DNAJC3: variants seen among roughly 807,000 people sequenced by gnomAD.
The protein encoded by DNAJC3 is dnaJ homolog subfamily C member 3.
DNAJC3 carries 38 observed loss-of-function variants against 68.6 expected under a neutral mutation model. That is an observed-to-expected ratio of 0.55 (90% CI 0.43 to 0.73). The LOEUF is 0.73. Ranked by LOEUF, DNAJC3 falls within the 30% of genes least tolerant of loss-of-function variation. DNAJC3 has a pLI of 0.00. For missense variants in DNAJC3, 526 were observed against 591.9 expected (o/e 0.89, Z 1.16); for synonymous variants, 203 against 204.0 (o/e 1.00, Z 0.04).
chr13:95,733,703 CTTTTTT>C (rs146677839), intron 4 of DNAJC3, among the ~76,000 whole-genome samples: 2 of 102,966 alleles, frequency 1.9e-5, no homozygotes, highest in Non-Finnish European at 1.9e-5. Context: ...CCTGGCCTGT[CTTTTTT>C]TTTTTTTTTT....
intron 9 of DNAJC3, among the ~76,000 whole-genome samples, chr13:95,768,696 C>T (rs1332287495): frequency 6.6e-6 from 1 of 152,126 alleles, no homozygotes; most frequent in African/African-American, 2.4e-5. Context: ...TTATACCGGC[C>T]AGGCACGGTG....
At chr13:95,701,601 C>T (rs971414162) in intron 1 of DNAJC3, among the ~76,000 whole-genome samples, 6 of 152,092 alleles carry the variant, frequency 3.9e-5, no homozygotes, top group African/African-American at 1.4e-4. Flanking sequence ...GAGATTTACT[C>T]GGTTCTCTTG....
At chr13:95,681,377 G>A (rs578078787) in intron 1 of DNAJC3, among the ~76,000 whole-genome samples, 1 of 152,206 alleles carries the variant, frequency 6.6e-6, no homozygotes, top group African/African-American at 2.4e-5. Flanking sequence ...TCGAGACAAG[G>A]TCTTGCCCTG....
chr13:95,749,915 T>G (rs1340854633), intron 4 of DNAJC3, among the ~76,000 whole-genome samples: 1 of 152,162 alleles, frequency 6.6e-6, no homozygotes, highest in Non-Finnish European at 1.5e-5. Flanking sequence ...CTGGGCGTGG[T>G]GGCCCATGCC....
In DNAJC3 at chr13:95,784,431, C is replaced by T. The variant is rs116263153; in HGVS notation, c.1076-1508C>T. Among the ~76,000 whole-genome samples, 543 of 152,016 alleles carry T rather than the reference C, an allele frequency of 3.6e-3. 3 individuals are homozygous for T. The highest frequency in any genetic ancestry group is 0.012 in the African/African-American group (514 of 41,516). ...GATTCCAGGACTTCTCTCCCTGTGA[C>T]GTCATAAAGAACAAGCTTAATTTTT... On this transcript the variant is annotated intron_variant, in intron 9 of 11. Coordinates refer to ENST00000602402, the MANE Select transcript of DNAJC3 (RefSeq NM_006260.5).
At chr13:95,734,962 C>T (rs1179161001) in intron 4 of DNAJC3, among the ~76,000 whole-genome samples, 2 of 118,698 alleles carry the variant, frequency 1.7e-5, no homozygotes, top group African/African-American at 6.3e-5. Context: ...GATGCTATCC[C>T]TCCCCCCTCC....
At position 95,748,132 on chromosome 13, in the gene DNAJC3, G is replaced by A. The variant is rs139853062; in HGVS notation, c.394-9512G>A. ...TTTGCTATTCATGCTTTGGGCTTAC[G>A]TGGATAATATTTAAATTTAGGCAGT... On this transcript the variant is annotated intron_variant, in intron 4 of 11. Transcript: ENST00000602402. Among the ~76,000 whole-genome samples the A allele has an allele frequency of 1.1e-4, 17 of 152,162 alleles. No homozygotes were observed. The East Asian group carries it at 3.1e-3, about 28-fold the overall frequency.
chr13:95,750,262 C>CA (rs1204619522), intron 4 of DNAJC3, among the ~76,000 whole-genome samples: 7,039 of 64,114 alleles, frequency 0.11, 323 homozygotes, highest in African/African-American at 0.17. Flanking sequence ...GACCCTGTCT[C>CA]AAAAAAAAAA....
At chr13:95,680,945 T>A (rs549036788) in intron 1 of DNAJC3, among the ~76,000 whole-genome samples, 2 of 152,306 alleles carry the variant, frequency 1.3e-5, no homozygotes, top group South Asian at 4.1e-4. Flanking sequence ...ATCTGATGAG[T>A]TTGTATCATT....
At position 95,793,482 on chromosome 13, in the gene DNAJC3, C is replaced by CGT. The variant is rs1883853135; in HGVS notation, c.*2452_*2453insGT. On this transcript the variant is annotated 3_prime_UTR_variant, in exon 12 of 12. Transcript: ENST00000602402. ...TTGGGGACTACAGGTGCCAGGTAAC[C>CGT]TTTTTTTTTTTTTTTTTTTTTTTTT... 1 of 96,222 alleles carries CGT rather than the reference C, an allele frequency of 1.0e-5. No homozygotes were observed. Among genetic ancestry groups the CGT allele is most frequent in the Non-Finnish European group, 2.0e-5 (1 of 50,582 alleles). The allele number at this position is 96,222 out of a possible 1,614,324, so 6.0% of individuals were successfully genotyped here.
At chr13:95,713,346 A>G (rs569212732) in intron 2 of DNAJC3, among the ~76,000 whole-genome samples, 1 of 152,192 alleles carries the variant, frequency 6.6e-6, no homozygotes, top group Non-Finnish European at 1.5e-5. Flanking sequence ...CTAGATAACA[A>G]ATTCAACATA....
intron 4 of DNAJC3, among the ~76,000 whole-genome samples, chr13:95,736,075 G>A (rs1881906888): frequency 6.6e-6 from 1 of 152,136 alleles, no homozygotes; most frequent in Non-Finnish European, 1.5e-5. Flanking sequence ...TTATTGAATA[G>A]GGAATCCTTT....
At chr13:95,721,525 C>G (rs1471618595) in intron 2 of DNAJC3, among the ~76,000 whole-genome samples, 1 of 152,184 alleles carries the variant, frequency 6.6e-6, no homozygotes, top group Non-Finnish European at 1.5e-5. Flanking sequence ...TTACATCCCA[C>G]CAACAGCGCA....
At chr13:95,728,366 C>G (rs1881597244) in intron 4 of DNAJC3, among the ~76,000 whole-genome samples, 1 of 152,098 alleles carries the variant, frequency 6.6e-6, no homozygotes, top group Admixed American at 6.5e-5. Context: ...TTATTTTGGC[C>G]ATTCTCATAG....
At chr13:95,708,227 T>C (rs1028557875) in intron 1 of DNAJC3, among the ~76,000 whole-genome samples, 5 of 152,238 alleles carry the variant, frequency 3.3e-5, no homozygotes, top group African/African-American at 1.2e-4. Context: ...CATAACATTG[T>C]ACTCACTGTA....
At chr13:95,720,836 AC>A (rs1296584442) in intron 2 of DNAJC3, among the ~76,000 whole-genome samples, 1 of 152,026 alleles carries the variant, frequency 6.6e-6, no homozygotes, top group East Asian at 1.9e-4. Context: ...TTGTTAAAAT[AC>A]CTAATTCCTT....
intron 4 of DNAJC3, among the ~76,000 whole-genome samples, chr13:95,739,825 C>T (rs1234482161): frequency 2.6e-5 from 4 of 152,230 alleles, no homozygotes; most frequent in Non-Finnish European, 5.9e-5. Flanking sequence ...CAAAGTCATT[C>T]TCCATCCAGC....
At chr13:95,710,491 A>G (rs766222391) in intron 2 of DNAJC3, among the ~76,000 whole-genome samples, 16 of 151,996 alleles carry the variant, frequency 1.1e-4, no homozygotes, top group Non-Finnish European at 1.9e-4. Flanking sequence ...TTGGCCTCCT[A>G]GAGTGTTGAG....
At chr13:95,745,317 T>C (rs763912559) in intron 4 of DNAJC3, 1 of 152,214 alleles carries the variant, frequency 6.6e-6, no homozygotes, top group Non-Finnish European at 1.5e-5. Flanking sequence ...GTCACTTGTA[T>C]TAAATTCTAA....
Sources: gnomAD v4.1 joint callset for allele counts (sites outside exome capture counted in the v4.1 genomes callset) on GRCh38, gnomAD v4.1.1 for gene constraint, MANE v1.5 for transcripts, NCBI Gene and HGNC (gene_info 2026-07-23, HGNC 2026-07-21) for gene names.